The following NBEA variants were observed in gnomAD, a reference collection of about 807,000 sequenced individuals.
The protein encoded by NBEA is neurobeachin.
Under a neutral mutation model 343.4 loss-of-function variants are expected in NBEA, and 44 were observed. The observed-to-expected ratio is 0.13, with a 90% confidence interval of 0.10 to 0.16. NBEA has a LOEUF of 0.16. Among genes scored for constraint, NBEA ranks in the 10% least tolerant of loss-of-function variants. The pLI, the probability that NBEA is intolerant of heterozygous loss-of-function variation, is 1.00. For missense variants in NBEA, 2,555 were observed against 3,631.3 expected (o/e 0.70, Z 7.62); for synonymous variants, 1,175 against 1,238.7 (o/e 0.95, Z 1.08).
At chr13:35,478,229 A>T (rs1215769209) in intron 41 of NBEA, among the ~76,000 whole-genome samples, 1 of 152,240 alleles carries the variant, frequency 6.6e-6, no homozygotes, top group East Asian at 1.9e-4. Flanking sequence ...CAACAGTGAT[A>T]GATTCCAATT....
chr13:35,532,219 G>T (rs1235810088), intron 41 of NBEA, among the ~76,000 whole-genome samples: 2 of 152,064 alleles, frequency 1.3e-5, no homozygotes, highest in African/African-American at 4.8e-5. Context: ...TAGATTCATG[G>T]TCATTTATTA....
intron 41 of NBEA, among the ~76,000 whole-genome samples, chr13:35,487,246 A>G (rs1217517615): frequency 1.3e-5 from 2 of 151,938 alleles, no homozygotes; most frequent in African/African-American, 2.4e-5. Flanking sequence ...ACATATGATT[A>G]TATTATTATA....
intron 1 of NBEA, among the ~76,000 whole-genome samples, chr13:35,010,741 A>AAAAAAAATAT (rs1555275017): frequency 3.1e-5 from 1 of 31,958 alleles, no homozygotes; most frequent in South Asian, 1.8e-3. Context: ...AAAAAAAAAA[A>AAAAAAAATAT]ATATATATAT....
At chr13:35,587,119 T>C (rs999820234) in intron 46 of NBEA, among the ~76,000 whole-genome samples, 1 of 152,080 alleles carries the variant, frequency 6.6e-6, no homozygotes, top group East Asian at 1.9e-4. Flanking sequence ...AAATTACCTA[T>C]TAGCTGTGCG....
At chr13:35,594,099 G>A (rs2081650844) in intron 47 of NBEA, among the ~76,000 whole-genome samples, 1 of 151,994 alleles carries the variant, frequency 6.6e-6, no homozygotes, top group Non-Finnish European at 1.5e-5. Context: ...TGTATTCAAA[G>A]CAATAATATA....
chr13:35,332,580 A>G (rs1205562007), intron 36 of NBEA, among the ~76,000 whole-genome samples: 1 of 152,152 alleles, frequency 6.6e-6, no homozygotes, highest in Non-Finnish European at 1.5e-5. Context: ...CTATATCATA[A>G]TAAGTTTAAC....
At chr13:35,461,245 A>G (rs2046886946) in intron 40 of NBEA, among the ~76,000 whole-genome samples, 2 of 152,220 alleles carry the variant, frequency 1.3e-5, no homozygotes, top group Non-Finnish European at 2.9e-5. Flanking sequence ...GTTAATTTTA[A>G]GAATAAAAGC....
intron 34 of NBEA, among the ~76,000 whole-genome samples, chr13:35,254,408 T>C (rs1593951364): frequency 6.6e-6 from 1 of 151,028 alleles, no homozygotes; most frequent in East Asian, 2.0e-4. Context: ...ACTGCAGCCC[T>C]GAACTCCTTC....
chr13:35,063,695 G>A (rs1360730019), intron 8 of NBEA, among the ~76,000 whole-genome samples: 2 of 151,970 alleles, frequency 1.3e-5, no homozygotes, highest in Admixed American at 1.3e-4. Context: ...TTGGTAAATA[G>A]GGAGAAAAGG....
At chr13:35,627,117 C>G (rs1203392529) in intron 48 of NBEA, among the ~76,000 whole-genome samples, 1 of 152,088 alleles carries the variant, frequency 6.6e-6, no homozygotes, top group Admixed American at 6.6e-5. Context: ...TAAGTGAATT[C>G]CAAATTGGTT....
Position 35,436,146 on chromosome 13 carries a change from G to A in NBEA, c.6304+3753G>A, listed in dbSNP as rs144636747. Among the ~76,000 whole-genome samples, 49 of 151,894 alleles carry A rather than the reference G, an allele frequency of 3.2e-4. No homozygotes were observed. In the East Asian group the frequency reaches 5.8e-3, roughly 18 times the overall value. ...TTTTGTATATACAAATTGCCAGGAC[G>A]TCCATGTAAAAGTTAAAAAAAAATA... is the stretch of plus-strand genomic sequence containing the variant. On this transcript the variant is annotated intron_variant, in intron 39 of 58. Transcript: ENST00000379939.
chr13:35,508,343 T>C (rs2077150279), intron 41 of NBEA, among the ~76,000 whole-genome samples: 1 of 152,160 alleles, frequency 6.6e-6, no homozygotes, highest in Admixed American at 6.5e-5. Flanking sequence ...TTATAAGCCA[T>C]ATTTGAGGAG....
chr13:35,118,281 G>T lies in NBEA; in HGVS notation c.2136G>T (p.Thr712=). The T allele has an allele frequency of 1.3e-6, 2 of 1,565,284 alleles. No individual in the cohort carries two copies. Among genetic ancestry groups the T allele is most frequent in the East Asian group, 2.3e-5 (1 of 42,744 alleles). Residue 712 remains threonine, a synonymous_variant, in exon 15 of 59, where the codon ACG becomes ACT. Transcript: ENST00000379939. The part of the protein sequence containing the change: ...ELQSILNYLL[T]MHEDENIHDV... Reference sequence around the variant, plus strand: ...AGAGTATATTAAATTACCTACTTACGATGCATGAGGTAGGACATGTTATGG... The same window carrying T: ...AGAGTATATTAAATTACCTACTTACTATGCATGAGGTAGGACATGTTATGG...
intron 1 of NBEA, among the ~76,000 whole-genome samples, chr13:34,944,589 T>TAA (rs1260120792): frequency 1.3e-5 from 2 of 152,224 alleles, no homozygotes; most frequent in African/African-American, 4.8e-5. Flanking sequence ...CAAGTTCTTT[T>TAA]CAGAACACTA....
chr13:35,573,849 T>C (rs1382748788), intron 45 of NBEA, among the ~76,000 whole-genome samples: 5 of 152,214 alleles, frequency 3.3e-5, no homozygotes, highest in African/African-American at 4.8e-5. Context: ...CCTCTGTGTC[T>C]AAACCACAGC....
intron 53 of NBEA, among the ~76,000 whole-genome samples, chr13:35,654,241 C>T: frequency 6.6e-6 from 1 of 152,098 alleles, no homozygotes; most frequent in East Asian, 1.9e-4. Context: ...TCTCTTTCCT[C>T]CCCAGTCCCT....
chr13:35,504,262 C>T lies in NBEA; in HGVS notation c.6585+31726C>T, dbSNP rs141743130. On this transcript the variant is annotated intron_variant, in intron 41 of 58. Transcript: ENST00000379939. ...CAAAAACACTGCAATCCAAGCAAAG[C>T]GTATCTGAAGCAAAATTTGGCCTAA... Among the ~76,000 whole-genome samples, 82 of 152,256 alleles carry T rather than the reference C, an allele frequency of 5.4e-4. No individual in the cohort carries two copies. In the East Asian group the frequency reaches 0.015, roughly 28 times the overall value.
chr13:35,439,025 G>A (rs917456885), intron 39 of NBEA, among the ~76,000 whole-genome samples: 17 of 152,090 alleles, frequency 1.1e-4, no homozygotes, highest in Admixed American at 2.6e-4. Context: ...TACTATGCAC[G>A]TGCTACCTGC....
intron 34 of NBEA, among the ~76,000 whole-genome samples, chr13:35,238,837 G>A (rs946450464): frequency 1.3e-5 from 2 of 151,856 alleles, no homozygotes; most frequent in South Asian, 2.1e-4. Flanking sequence ...TGGTTTCCAC[G>A]ACTAGCATTT....
Sources: allele counts gnomAD v4.1 joint callset (sites outside exome capture counted in the v4.1 genomes callset), GRCh38; gene constraint gnomAD v4.1.1; transcripts MANE v1.5; gene names NCBI Gene and HGNC (gene_info 2026-07-23, HGNC 2026-07-21).